The following LRMDA variants were observed in gnomAD, a reference collection of about 807,000 sequenced individuals.
LRMDA encodes the protein leucine rich melanocyte differentiation associated.
LRMDA carries 18 observed loss-of-function variants against 29.8 expected under a neutral mutation model. That is an observed-to-expected ratio of 0.60 (90% CI 0.42 to 0.90). The LOEUF is 0.90. Among genes scored for constraint, LRMDA ranks in the 40% least tolerant of loss-of-function variants. The pLI is 0.00. For missense variants in LRMDA, 273 were observed against 273.9 expected (o/e 1.00, Z 0.02); for synonymous variants, 125 against 109.4 (o/e 1.14, Z -0.89).
intron 2 of LRMDA, among the ~76,000 whole-genome samples, chr10:75,901,265 A>T: frequency 6.6e-6 from 1 of 151,724 alleles, no homozygotes; most frequent in Middle Eastern, 3.2e-3. Flanking sequence ...CCTGAATTCA[A>T]ATCTCCTTGT....
intron 2 of LRMDA, among the ~76,000 whole-genome samples, chr10:75,701,187 C>T (rs1842304200): frequency 6.6e-6 from 1 of 152,130 alleles, no homozygotes; most frequent in South Asian, 2.1e-4. Flanking sequence ...TTGTGGCAGG[C>T]AGCTTTAGGC....
At chr10:75,492,014 G>A (rs1844994195) in intron 2 of LRMDA, among the ~76,000 whole-genome samples, 1 of 152,194 alleles carries the variant, frequency 6.6e-6, no homozygotes, top group African/African-American at 2.4e-5. Flanking sequence ...TGGGAACAGT[G>A]CCCTCAAGAT....
rs920397988 is a variant in LRMDA at position 76,195,672 on chromosome 10, T to C, written c.517-128729T>C. Among the ~76,000 whole-genome samples, 5 of 152,326 alleles carry C rather than the reference T, an allele frequency of 3.3e-5. No homozygotes were observed. In the East Asian group the frequency reaches 5.8e-4, roughly 18 times the overall value. ...TTCTTGAAATAAGATAAGGGTACTA[T>C]TATAAAACAGCAGAAGGCTGAATGT... On this transcript the variant is annotated intron_variant, in intron 5 of 6. Transcript: ENST00000611255.
intron 2 of LRMDA, among the ~76,000 whole-genome samples, chr10:75,533,141 G>A (rs1845497532): frequency 6.6e-6 from 1 of 152,192 alleles, no homozygotes; most frequent in African/African-American, 2.4e-5. Flanking sequence ...GGAAAGAGAA[G>A]TCACCTGCAG....
chr10:75,979,231 A>G (rs533606087), intron 2 of LRMDA, among the ~76,000 whole-genome samples: 1 of 152,302 alleles, frequency 6.6e-6, no homozygotes, highest in East Asian at 1.9e-4. Flanking sequence ...AATAATGATT[A>G]CAATAGATGA....
At chr10:76,331,490 G>A (rs1389568640) in intron 6 of LRMDA, among the ~76,000 whole-genome samples, 1 of 152,124 alleles carries the variant, frequency 6.6e-6, no homozygotes, top group African/African-American at 2.4e-5. Context: ...GTTCATAGAA[G>A]CACAACAGAT....
At chr10:76,224,829 A>T (rs1851921877) in intron 5 of LRMDA, among the ~76,000 whole-genome samples, 1 of 151,984 alleles carries the variant, frequency 6.6e-6, no homozygotes, top group Non-Finnish European at 1.5e-5. Context: ...CAAAGATAAA[A>T]TATGCCATTG....
chr10:75,677,426 A>G (rs573711484), intron 2 of LRMDA, among the ~76,000 whole-genome samples: 1 of 151,998 alleles, frequency 6.6e-6, no homozygotes, highest in African/African-American at 2.4e-5. Flanking sequence ...ATCAGGTTTA[A>G]AAAAAAAGAC....
chr10:76,479,324 C>T (rs1051281945), intron 6 of LRMDA, among the ~76,000 whole-genome samples: 1 of 151,882 alleles, frequency 6.6e-6, no homozygotes, highest in African/African-American at 2.4e-5. Flanking sequence ...TTAGTGGTTA[C>T]AGTGACCAAA....
chr10:75,859,600 T>TACAC (rs71024575), intron 2 of LRMDA, among the ~76,000 whole-genome samples: 4,525 of 77,282 alleles, frequency 0.059, 122 homozygotes, highest in South Asian at 0.15. Flanking sequence ...ATTCAGGGCA[T>TACAC]ACACACACAC....
intron 2 of LRMDA, among the ~76,000 whole-genome samples, chr10:75,820,567 A>G (rs1348070011): frequency 6.6e-6 from 1 of 152,216 alleles, no homozygotes; most frequent in Admixed American, 6.5e-5. Context: ...AAAGATCTCA[A>G]ATTAACAACC....
intron 2 of LRMDA, among the ~76,000 whole-genome samples, chr10:75,942,022 C>T (rs552578414): frequency 1.3e-5 from 2 of 152,262 alleles, no homozygotes; most frequent in East Asian, 3.9e-4. Context: ...TTTGTAATCA[C>T]AGCGTGTAGG....
chr10:75,790,555 T>C (rs1220287613), intron 2 of LRMDA, among the ~76,000 whole-genome samples: 4 of 152,220 alleles, frequency 2.6e-5, no homozygotes, highest in African/African-American at 9.6e-5. Flanking sequence ...CCTTCCTAAC[T>C]GTATGACATA....
chr10:76,129,064 G>A (rs950485610), intron 5 of LRMDA, among the ~76,000 whole-genome samples: 2 of 152,124 alleles, frequency 1.3e-5, no homozygotes, highest in East Asian at 1.9e-4. Flanking sequence ...ACTCCTCATG[G>A]TTCTCTCTTT....
intron 5 of LRMDA, among the ~76,000 whole-genome samples, chr10:76,212,470 T>G (rs1284635857): frequency 6.6e-6 from 1 of 152,100 alleles, no homozygotes; most frequent in African/African-American, 2.4e-5. Context: ...TGGAAGGAAG[T>G]GTCTGCCAAG....
intron 2 of LRMDA, among the ~76,000 whole-genome samples, chr10:75,570,794 A>G (rs1840429026): frequency 6.6e-6 from 1 of 152,212 alleles, no homozygotes; most frequent in Admixed American, 6.5e-5. Flanking sequence ...AGAAAGTTGC[A>G]TCTGTAAAAT....
chr10:75,696,238 T>A (rs1842232294), intron 2 of LRMDA, among the ~76,000 whole-genome samples: 2 of 152,216 alleles, frequency 1.3e-5, no homozygotes, highest in African/African-American at 4.8e-5. Context: ...ATTTCTTGCT[T>A]ATGCTTTGTG....
chr10:76,481,577 G>A (rs1564553952), intron 6 of LRMDA, among the ~76,000 whole-genome samples: 1 of 151,900 alleles, frequency 6.6e-6, no homozygotes, highest in African/African-American at 2.4e-5. Context: ...AGCTAATTAT[G>A]GGGAGTGGTC....
Position 76,124,505 on chromosome 10 carries a change from A to G in LRMDA, c.516+65722A>G, listed in dbSNP as rs569756880. ...TAATGTGTCAGGGACAGCTAATGCT[A>G]TATTTTGGTATGTTCTTATCAAATC... is the stretch of plus-strand genomic sequence containing the variant. On this transcript the variant is annotated intron_variant, in intron 5 of 6. Transcript: ENST00000611255. Among the ~76,000 whole-genome samples the G allele has an allele frequency of 9.2e-5, 14 of 152,356 alleles. No individual in the cohort carries two copies. In the South Asian group the frequency reaches 2.3e-3, roughly 25 times the overall value.
Sources: allele counts gnomAD v4.1 joint callset (sites outside exome capture counted in the v4.1 genomes callset), GRCh38; gene constraint gnomAD v4.1.1; transcripts MANE v1.5; gene names NCBI Gene and HGNC (gene_info 2026-07-23, HGNC 2026-07-21).